The following TMLHE variants were observed in gnomAD, a reference collection of about 807,000 sequenced individuals.
TMLHE encodes trimethyllysine hydroxylase, epsilon.
TMLHE carries 18 observed loss-of-function variants against 25.7 expected under a neutral mutation model. The observed-to-expected ratio is 0.70, with a 90% CI of 0.48 to 1.04. The LOEUF is 1.04. Among genes scored for constraint, TMLHE ranks in the 50% least tolerant of loss-of-function variants. TMLHE has a pLI of 0.00. For synonymous variants in TMLHE, 105 were observed against 97.0 expected (o/e 1.08, Z -0.49); for missense variants, 236 against 259.0 (o/e 0.91, Z 0.61).
chrX:155,542,883 C>A (rs1010689302), intron 2 of TMLHE, among the ~76,000 whole-genome samples: 2 of 110,623 alleles, frequency 1.8e-5, no homozygotes, highest in Non-Finnish European at 3.8e-5. Flanking sequence ...TGGTTTTCTG[C>A]AGTTTTAATA....
chrX:155,510,232 T>TTTTTATTTTATTTTA (rs370981833), intron 5 of TMLHE, among the ~76,000 whole-genome samples: 3,322 of 99,183 alleles, frequency 0.033, 183 homozygotes, highest in Admixed American at 0.17. Flanking sequence ...ATGAGTTTTC[T>TTTTTATTTTATTTTA]TTTTATTTTA....
At chrX:155,546,385 A>G (rs1557338693) in intron 1 of TMLHE, among the ~76,000 whole-genome samples, 1 of 111,495 alleles carries the variant, frequency 9.0e-6, no homozygotes, top group East Asian at 2.8e-4. Context: ...GTGGCAGAAG[A>G]CTGAGAGAGC....
At chrX:155,586,835 A>G (rs782700771) in intron 1 of TMLHE, among the ~76,000 whole-genome samples, 14 of 112,167 alleles carry the variant, frequency 1.2e-4, no homozygotes, top group Non-Finnish European at 2.4e-4. Flanking sequence ...GAAAAGCTGA[A>G]CAGATCAATA....
At chrX:155,550,400 A>T (rs2124428097) in intron 1 of TMLHE, among the ~76,000 whole-genome samples, 1 of 111,096 alleles carries the variant, frequency 9.0e-6, no homozygotes, top group East Asian at 2.8e-4. Flanking sequence ...CTATTGGTCT[A>T]CTTGCTTGCT....
chrX:155,590,827 C>T (rs1244358265), intron 1 of TMLHE, among the ~76,000 whole-genome samples: 2 of 111,177 alleles, frequency 1.8e-5, no homozygotes, highest in African/African-American at 6.5e-5. Context: ...AAATAGTAAA[C>T]TGGCAGGCAG....
At chrX:155,544,353 A>G (rs1343572026) in intron 2 of TMLHE, among the ~76,000 whole-genome samples, 1 of 111,973 alleles carries the variant, frequency 8.9e-6, no homozygotes, top group African/African-American at 3.2e-5. Flanking sequence ...TATCTTTATA[A>G]AGAGAAATAT....
intron 2 of TMLHE, among the ~76,000 whole-genome samples, chrX:155,526,467 A>T (rs1258342112): frequency 8.9e-6 from 1 of 112,756 alleles, no homozygotes; most frequent in Non-Finnish European, 1.9e-5. Context: ...GCAGAAGTCT[A>T]TTGCAGGGGC....
At chrX:155,541,869 T>C (rs1603042351) in intron 2 of TMLHE, among the ~76,000 whole-genome samples, 1 of 111,316 alleles carries the variant, frequency 9.0e-6, no homozygotes, top group East Asian at 2.8e-4. Flanking sequence ...GTTCATATCC[T>C]TTGCCCACTT....
chrX:155,556,852 G>A (rs2067460303), intron 1 of TMLHE, among the ~76,000 whole-genome samples: 2 of 111,263 alleles, frequency 1.8e-5, no homozygotes, highest in African/African-American at 3.3e-5. Context: ...CCCCGGGGGG[G>A]CCAGTTCAGA....
chrX:155,533,366 CACACGT>C (rs1557337281), intron 2 of TMLHE, among the ~76,000 whole-genome samples: 1 of 72,832 alleles, frequency 1.4e-5, no homozygotes, highest in Non-Finnish European at 2.9e-5. Context: ...CACATGCACA[CACACGT>C]GCACACGCAC....
At chrX:155,561,706 C>T (rs1398052520) in intron 1 of TMLHE, among the ~76,000 whole-genome samples, 2 of 62,618 alleles carry the variant, frequency 3.2e-5, no homozygotes, top group African/African-American at 7.1e-5. Context: ...TGGGTAAATG[C>T]TCCCATTCCA....
At chrX:155,511,045 CTTCTT>C (rs1380841419) in intron 5 of TMLHE, among the ~76,000 whole-genome samples, 1 of 111,466 alleles carries the variant, frequency 9.0e-6, no homozygotes, top group Non-Finnish European at 1.9e-5. Context: ...GCATAAATGT[CTTCTT>C]TTGAGAACTT....
At chrX:155,576,506 A>T (rs1462502249) in intron 1 of TMLHE, among the ~76,000 whole-genome samples, 2 of 111,954 alleles carry the variant, frequency 1.8e-5, no homozygotes, top group Non-Finnish European at 3.8e-5. Context: ...TTAGAAAAAA[A>T]ATCTAAAATT....
intron 1 of TMLHE, among the ~76,000 whole-genome samples, chrX:155,548,062 C>G (rs781975822): frequency 1.8e-5 from 2 of 111,703 alleles, no homozygotes; most frequent in Admixed American, 1.9e-4. Context: ...AAGAATGAGA[C>G]CCCTACCTCT....
Position 155,551,089 on chromosome X carries a change from C to A in TMLHE, c.-1-5812G>T, listed in dbSNP as rs183853386. On this transcript the variant is annotated intron_variant, in intron 1 of 7. Coordinates refer to ENST00000334398, the MANE Select transcript of TMLHE (RefSeq NM_018196.4). Reference sequence around the variant, plus strand: ...CCCTTCATAACCATTTCAACACCTACCTCGGGTCCCAAAATAAATATTTTT... The same window carrying A: ...CCCTTCATAACCATTTCAACACCTAACTCGGGTCCCAAAATAAATATTTTT... 7.3e-3 allele frequency among the ~76,000 whole-genome samples: 806 copies of A among 110,585 alleles called. 29 individuals are homozygous for A. The Admixed American group carries it at 0.073, about 10-fold the overall frequency.
intron 1 of TMLHE, among the ~76,000 whole-genome samples, chrX:155,548,561 CT>C (rs1557339381): frequency 9.3e-6 from 1 of 107,040 alleles, no homozygotes; most frequent in Non-Finnish European, 1.9e-5. Flanking sequence ...TGGTGAAACC[CT>C]GTCTCTACTA....
rs1320583859 is a variant in TMLHE at position 155,523,222 on chromosome X, T to G, written c.358+1234A>C. Among the ~76,000 whole-genome samples, 6 of 112,210 alleles carry G rather than the reference T, an allele frequency of 5.3e-5. No homozygotes were observed. In the East Asian group the frequency reaches 1.7e-3, roughly 31 times the overall value. The stretch of plus-strand genomic sequence containing the variant: ...TATTGCTTGTTTTTCTGCTGAGTTT[T>G]AAGAGTTATTTAGTCCTAGCGCCAG... On this transcript the variant is annotated intron_variant, in intron 3 of 7. Coordinates refer to ENST00000334398, the MANE Select transcript of TMLHE (RefSeq NM_018196.4).
Position 155,612,860 on chromosome X carries a change from G to A in TMLHE, c.-70C>T, listed in dbSNP as rs2067834443. 1 of 112,169 alleles carries A rather than the reference G, an allele frequency of 8.9e-6. No homozygotes were observed. The highest frequency in any genetic ancestry group is 3.2e-5 in the African/African-American group (1 of 30,860). 9.2% of individuals were successfully genotyped at this position (112,169 alleles called of 1,213,427 possible). ...ATTCCAAGCAAGGAGAGTCTCGGGA[G>A]GCAGCCTTTCACCCGCCTTTTGCCT... On this transcript the variant is annotated 5_prime_UTR_variant, in exon 1 of 8. Transcript: ENST00000334398.
Position 155,545,304 on chromosome X carries a change from G to A in TMLHE, c.-1-27C>T, listed in dbSNP as rs782712761. ...TAGAAGATTGGATAATAACAAGTTA[G>A]TAGTAATATACAACAACTTTTATGA... On this transcript the variant is annotated intron_variant, in intron 1 of 7. Transcript: ENST00000334398. 7 of 1,126,718 alleles carry A rather than the reference G, an allele frequency of 6.2e-6. No homozygotes were observed. The Admixed American group carries it at 1.4e-4, about 23-fold the overall frequency. The allele number at this position is 1,126,718 out of a possible 1,213,427, so 92.9% of individuals were successfully genotyped here.
Sources: allele counts gnomAD v4.1 joint callset (sites outside exome capture counted in the v4.1 genomes callset), GRCh38; gene constraint gnomAD v4.1.1; transcripts MANE v1.5; gene names NCBI Gene and HGNC (gene_info 2026-07-23, HGNC 2026-07-21).